The following STOX2 variants were observed in gnomAD, a reference collection of about 807,000 sequenced individuals.
STOX2 encodes the protein storkhead box 2.
In STOX2, 28 loss-of-function variants were observed where a neutral mutation model predicts 60.9. The observed-to-expected ratio is 0.46, with a 90% CI of 0.34 to 0.63. The LOEUF (loss-of-function observed/expected upper bound fraction) is 0.63. Among genes scored for constraint, STOX2 ranks in the 30% least tolerant of loss-of-function variants. STOX2 has a pLI of 0.01. For synonymous variants in STOX2, 472 were observed against 463.9 expected (o/e 1.02, Z -0.22); for missense variants, 1,024 against 1,187.7 (o/e 0.86, Z 2.03).
intron 1 of STOX2, among the ~76,000 whole-genome samples, chr4:183,992,196 T>G (rs1733142284): frequency 6.6e-6 from 1 of 152,228 alleles, no homozygotes; most frequent in Non-Finnish European, 1.5e-5. Flanking sequence ...GGTACAATTT[T>G]GTTGTAATTT....
chr4:184,010,593 T>C lies in STOX2; in HGVS notation c.1755T>C (p.Tyr585=), dbSNP rs1397976467. The change falls in exon 3 of 4, where the codon TAT becomes TAC. Residue 585 remains tyrosine, a synonymous_variant. Transcript: ENST00000308497. The surrounding 1 kb of genome is among the most constrained non-coding windows in gnomAD (Gnocchi z 4.5). ...PGKPPESLPS[Y]GELNSCPTKT... ...AACCACCCGAGAGTTTGCCATCCTATGGCGAACTCAACTCTTGTCCAACAA... is the reference window on the plus strand; with the variant it reads ...AACCACCCGAGAGTTTGCCATCCTACGGCGAACTCAACTCTTGTCCAACAA... 1.2e-6 allele frequency: 2 copies of C among 1,613,900 alleles called. No individual in the cohort carries two copies. Among genetic ancestry groups the C allele is most frequent in the African/African-American group, 1.3e-5 (1 of 74,942 alleles).
At chr4:184,004,680 A>G (rs1733752229) in intron 2 of STOX2, among the ~76,000 whole-genome samples, 2 of 152,260 alleles carry the variant, frequency 1.3e-5, no homozygotes, top group African/African-American at 4.8e-5. Context: ...GAGAAAAACA[A>G]GTTGGCTGAA....
chr4:183,959,375 C>T (rs1743349437), intron 1 of STOX2, among the ~76,000 whole-genome samples: 1 of 152,112 alleles, frequency 6.6e-6, no homozygotes, highest in East Asian at 1.9e-4. Context: ...GCAGCCATCG[C>T]CTTCGAAACA....
At chr4:183,858,274 G>C (rs974950836) in intron 1 of STOX2, among the ~76,000 whole-genome samples, 1 of 152,240 alleles carries the variant, frequency 6.6e-6, no homozygotes, top group Non-Finnish European at 1.5e-5. Context: ...GTGCCCTGCT[G>C]CTGGCCCATT....
At chr4:184,006,710 AAAG>A (rs1269007993) in intron 2 of STOX2, among the ~76,000 whole-genome samples, 1 of 149,654 alleles carries the variant, frequency 6.7e-6, no homozygotes, top group African/African-American at 2.5e-5. Flanking sequence ...AAAAAGGAAA[AAAG>A]AAAAAAATTC....
At chr4:183,941,249 C>G (rs925772158) in intron 1 of STOX2, among the ~76,000 whole-genome samples, 7 of 151,976 alleles carry the variant, frequency 4.6e-5, no homozygotes, top group Non-Finnish European at 1.0e-4. Flanking sequence ...GGTTCTCCTA[C>G]TCTTCAGTTC....
intron 1 of STOX2, among the ~76,000 whole-genome samples, chr4:183,976,021 G>A (rs1349408603): frequency 6.6e-6 from 1 of 152,168 alleles, no homozygotes; most frequent in African/African-American, 2.4e-5. Flanking sequence ...TTGAAAATCA[G>A]TCAATGTAGG....
intron 1 of STOX2, among the ~76,000 whole-genome samples, chr4:183,819,329 G>A (rs1277239288): frequency 6.6e-6 from 1 of 151,990 alleles, no homozygotes; most frequent in Non-Finnish European, 1.5e-5. Context: ...GATCACTCCC[G>A]GTTAGGAGCT....
intron 1 of STOX2, among the ~76,000 whole-genome samples, chr4:183,917,290 CAG>C (rs1489894216): frequency 6.6e-6 from 1 of 152,234 alleles, no homozygotes; most frequent in Admixed American, 6.5e-5. Flanking sequence ...GACCCACTCA[CAG>C]GGGCCCGAAG....
intron 1 of STOX2, among the ~76,000 whole-genome samples, chr4:183,861,046 C>T (rs1055641354): frequency 2.6e-5 from 4 of 152,200 alleles, no homozygotes; most frequent in African/African-American, 7.2e-5. Flanking sequence ...TTACGGTACA[C>T]TAATCCAACC....
chr4:183,973,876 C>G (rs930913665), intron 1 of STOX2, among the ~76,000 whole-genome samples: 6 of 152,144 alleles, frequency 3.9e-5, no homozygotes, highest in Admixed American at 3.9e-4. Flanking sequence ...TGCCTGTAGT[C>G]CCAGCTACTC....
At chr4:183,951,094 T>G (rs1030952571) in intron 1 of STOX2, among the ~76,000 whole-genome samples, 1 of 151,396 alleles carries the variant, frequency 6.6e-6, no homozygotes, top group Non-Finnish European at 1.5e-5. Context: ...CGGGCGCCTG[T>G]AGTCCCAGCT....
intron 1 of STOX2, among the ~76,000 whole-genome samples, chr4:183,810,052 T>A (rs1739000367): frequency 1.3e-5 from 2 of 152,384 alleles, no homozygotes; most frequent in Non-Finnish European, 2.9e-5. Flanking sequence ...CTGCCATTTT[T>A]ACCTATGAAG....
rs2111148624 is a variant in STOX2, at chr4:183,856,879, A to G, written c.364+58824A>G. On this transcript the variant is annotated intron_variant, in intron 1 of 2. Coordinates refer to the STOX2 transcript ENST00000513034. The surrounding 1 kb of genome is among the most constrained non-coding windows in gnomAD (Gnocchi z 4.0). ...CAGTCAGCTACCAAGTCTTATTGAG[A>G]ATTTACTTTGGAAAGTCCTGGAGAT... 6.6e-6 allele frequency among the ~76,000 whole-genome samples: 1 copy of G among 152,238 alleles called. No homozygotes were observed. Among genetic ancestry groups the G allele is most frequent in the African/African-American group, 2.4e-5 (1 of 41,532 alleles).
In STOX2 at chr4:183,891,359, TA is replaced by T. The variant is rs1377375366; in HGVS notation, c.364+93305del. ...GATGGAATATATATATGATGGAATT[TA>T]TATATATATATATATATATATATAT... On this transcript the variant is annotated intron_variant, in intron 1 of 2. Transcript: ENST00000513034. Among the ~76,000 whole-genome samples the T allele has an allele frequency of 0.039, 26 of 662 alleles. No individual in the cohort carries two copies. The East Asian group carries it at 0.5, about 13-fold the overall frequency. The allele number at this position is 662 out of a possible 152,430, so 0.4% of individuals were successfully genotyped here.
chr4:183,873,755 A>G (rs749027105), intron 1 of STOX2, among the ~76,000 whole-genome samples: 42 of 152,234 alleles, frequency 2.8e-4, no homozygotes, highest in Non-Finnish European at 1.3e-4. Context: ...TTTCATCACC[A>G]TTATGTGTGT....
intron 1 of STOX2, among the ~76,000 whole-genome samples, chr4:183,873,999 A>G (rs1372987968): frequency 6.6e-6 from 1 of 152,040 alleles, no homozygotes; most frequent in African/African-American, 2.4e-5. Flanking sequence ...GTTTCATGAG[A>G]CCTCATCCTT....
intron 1 of STOX2, among the ~76,000 whole-genome samples, chr4:183,844,700 A>G (rs961993810): frequency 6.6e-6 from 1 of 152,226 alleles, no homozygotes; most frequent in African/African-American, 2.4e-5. Context: ...TGTAGGTAGG[A>G]CTGTAAGATT....
Position 184,009,136 on chromosome 4 carries a change from G to GT in STOX2, c.320-4dup, listed in dbSNP as rs34402224. 250,745 of 711,494 alleles carry GT rather than the reference G, an allele frequency of 0.35. 27,784 individuals are homozygous for GT. The highest frequency in any genetic ancestry group is 0.37 in the Non-Finnish European group (170,791 of 460,340). 44.1% of individuals were successfully genotyped at this position (711,494 alleles called of 1,614,324 possible). Reference sequence around the variant, plus strand: ...TGTTCTGTCTTCATTCTCACAAGTGGTTTTTTTTTTTTTTTTTTCAGGTGT... The same window carrying GT: ...TGTTCTGTCTTCATTCTCACAAGTGGTTTTTTTTTTTTTTTTTTTCAGGTGT... On this transcript the variant is annotated intron_variant, in intron 2 of 3. Transcript: ENST00000308497. The surrounding 1 kb of genome is among the most constrained non-coding windows in gnomAD (Gnocchi z 4.0).
Sources: gnomAD v4.1 joint callset for allele counts (sites outside exome capture counted in the v4.1 genomes callset) on GRCh38, gnomAD v4.1.1 for gene constraint, Gnocchi (gnomAD v3.1) non-coding constraint, MANE v1.5 for transcripts, NCBI Gene and HGNC (gene_info 2026-07-23, HGNC 2026-07-21) for gene names.